TAFA2: variants seen among roughly 807,000 people sequenced by gnomAD.
TAFA2 encodes TAFA chemokine like family member 2.
Under a neutral mutation model 18.8 loss-of-function variants are expected in TAFA2, and 7 were observed. The observed-to-expected ratio is 0.37, with a 90% CI of 0.21 to 0.70. The LOEUF (loss-of-function observed/expected upper bound fraction) is 0.70, where lower values mean the gene tolerates loss of function less well. Among genes scored for constraint, TAFA2 ranks in the 30% least tolerant of loss-of-function variants. The pLI, the probability that TAFA2 is intolerant of heterozygous loss-of-function variation, is 0.53. For synonymous variants in TAFA2, 60 were observed against 54.2 expected, an observed-to-expected ratio of 1.11 and a Z score of -0.47; for missense variants, 122 against 158.1, an observed-to-expected ratio of 0.77 and a Z score of 1.23.
At chr12:61,951,707 C>T (rs536442470) in intron 1 of TAFA2, among the ~76,000 whole-genome samples, 1 of 152,108 alleles carries the variant, frequency 6.6e-6, no homozygotes, top group South Asian at 2.1e-4. Context: ...CCGGATGACA[C>T]TAAGGCATAC....
At chr12:62,004,509 C>T (rs7979621) in intron 1 of TAFA2, among the ~76,000 whole-genome samples, 40,571 of 151,936 alleles carry the variant, frequency 0.27, 5,861 homozygotes, top group Non-Finnish European at 0.33. Flanking sequence ...AATAGCTGCA[C>T]TGTAAAGTAG....
At chr12:62,205,234 T>C (rs1245655) in intron 1 of TAFA2, among the ~76,000 whole-genome samples, 135,299 of 152,254 alleles carry the variant, frequency 0.89, 60,233 homozygotes, top group Middle Eastern at 0.93. Flanking sequence ...GGGGCACTGA[T>C]ATAATGCCAG....
At chr12:61,753,211 G>T (rs1592366266) in intron 4 of TAFA2, among the ~76,000 whole-genome samples, 1 of 151,912 alleles carries the variant, frequency 6.6e-6, no homozygotes, top group Admixed American at 6.6e-5. Flanking sequence ...AAAACTAAAA[G>T]AATCTCAGTT....
intron 4 of TAFA2, among the ~76,000 whole-genome samples, chr12:61,720,022 G>A (rs538814268): frequency 4.6e-5 from 7 of 151,902 alleles, no homozygotes; most frequent in African/African-American, 1.7e-4. Context: ...TGTTTAACAT[G>A]TTGGGTGCTT....
intron 1 of TAFA2, among the ~76,000 whole-genome samples, chr12:62,096,218 C>T (rs1868942278): frequency 6.6e-6 from 1 of 152,074 alleles, no homozygotes; most frequent in African/African-American, 2.4e-5. Flanking sequence ...ATCTGGGATT[C>T]CTGTCTTGGT....
At chr12:62,001,016 C>G (rs1451951851) in intron 1 of TAFA2, among the ~76,000 whole-genome samples, 1 of 152,176 alleles carries the variant, frequency 6.6e-6, no homozygotes, top group Non-Finnish European at 1.5e-5. Context: ...TCTCTTCCCC[C>G]TGCCTATTGA....
chr12:61,853,915 A>C (rs928255566), intron 2 of TAFA2, among the ~76,000 whole-genome samples: 1 of 152,172 alleles, frequency 6.6e-6, no homozygotes, highest in Admixed American at 6.5e-5. Context: ...TTCACCCCTC[A>C]GCTCTCCAAC....
At chr12:61,731,258 G>A (rs1870434786) in intron 4 of TAFA2, among the ~76,000 whole-genome samples, 1 of 152,082 alleles carries the variant, frequency 6.6e-6, no homozygotes, top group Admixed American at 6.6e-5. Flanking sequence ...TGGGTACTGA[G>A]TTTTTTGTCT....
At chr12:62,166,014 T>C (rs970391124) in intron 1 of TAFA2, among the ~76,000 whole-genome samples, 1 of 151,560 alleles carries the variant, frequency 6.6e-6, no homozygotes, top group Admixed American at 6.6e-5. Context: ...ATCTGAATTC[T>C]GACTCCTCAG....
intron 1 of TAFA2, among the ~76,000 whole-genome samples, chr12:62,098,743 A>G (rs1409818468): frequency 1.3e-5 from 2 of 152,198 alleles, no homozygotes; most frequent in African/African-American, 4.8e-5. Context: ...TTATCTCTTC[A>G]GTGTAATGAT....
At chr12:61,747,745 T>C (rs992304565) in intron 4 of TAFA2, among the ~76,000 whole-genome samples, 3 of 148,370 alleles carry the variant, frequency 2.0e-5, no homozygotes, top group Non-Finnish European at 4.5e-5. Context: ...GGGATAGCAC[T>C]GGGAGATATA....
chr12:62,043,476 G>A (rs969939007), intron 1 of TAFA2, among the ~76,000 whole-genome samples: 1 of 149,480 alleles, frequency 6.7e-6, no homozygotes, highest in Non-Finnish European at 1.5e-5. Context: ...GGTGGGGGTA[G>A]GGGGGAGGGA....
At chr12:62,113,368 G>A (rs1454951178) in intron 1 of TAFA2, among the ~76,000 whole-genome samples, 2 of 152,168 alleles carry the variant, frequency 1.3e-5, no homozygotes, top group Non-Finnish European at 2.9e-5. Context: ...CTTCATCCCA[G>A]AGAGCCACCC....
intron 1 of TAFA2, among the ~76,000 whole-genome samples, chr12:62,005,664 A>G (rs1413760243): frequency 6.6e-6 from 1 of 152,102 alleles, no homozygotes; most frequent in Non-Finnish European, 1.5e-5. Flanking sequence ...AGAGAGGATC[A>G]ATGTTTTCTC....
intron 1 of TAFA2, among the ~76,000 whole-genome samples, chr12:61,884,094 C>A (rs1875263690): frequency 6.6e-6 from 1 of 152,092 alleles, no homozygotes; most frequent in African/African-American, 2.4e-5. Flanking sequence ...GCCAAAAGAG[C>A]AGGCTGGGGA....
At chr12:62,027,709 T>C (rs569432861) in intron 1 of TAFA2, among the ~76,000 whole-genome samples, 68 of 152,190 alleles carry the variant, frequency 4.5e-4, no homozygotes, top group Admixed American at 1.0e-3. Context: ...TTCTAAATCT[T>C]CAGTGCAGCA....
chr12:62,128,321 A>G (rs1260673391), intron 1 of TAFA2, among the ~76,000 whole-genome samples: 1 of 152,086 alleles, frequency 6.6e-6, no homozygotes, highest in African/African-American at 2.4e-5. Context: ...AACTGTGACA[A>G]AATCAATGCA....
rs574774691 is a variant in TAFA2 at position 61,807,020 on chromosome 12, G to C, written c.107-51996C>G. On this transcript the variant is annotated intron_variant, in intron 2 of 4. Transcript: ENST00000416284. The stretch of plus-strand genomic sequence containing the variant: ...TCCCATTCTCTGAGGAGAAATTCAA[G>C]CCAGCTGCAGAAATTTCCATAAGTA... Among the ~76,000 whole-genome samples the C allele has an allele frequency of 3.4e-4, 51 of 151,926 alleles. 1 individual carries two copies. In the South Asian group the frequency reaches 9.9e-3, roughly 30 times the overall value.
At chr12:61,727,111 G>A (rs1870203675) in intron 4 of TAFA2, among the ~76,000 whole-genome samples, 1 of 151,992 alleles carries the variant, frequency 6.6e-6, no homozygotes. Flanking sequence ...TTACTGATAA[G>A]CTGTTGGATT....
Sources: allele counts gnomAD v4.1 joint callset (sites outside exome capture counted in the v4.1 genomes callset), GRCh38; gene constraint gnomAD v4.1.1; transcripts MANE v1.5; gene names NCBI Gene and HGNC (gene_info 2026-07-23, HGNC 2026-07-21).